The following NXPE2 variants were observed in gnomAD, a reference collection of about 807,000 sequenced individuals.
NXPE2 encodes the protein neurexophilin and PC-esterase domain family member 2.
A neutral mutation model predicts 34.4 loss-of-function variants in NXPE2; 34 were observed. The observed-to-expected ratio is 0.99, with a 90% CI of 0.75 to 1.31. The LOEUF (loss-of-function observed/expected upper bound fraction) is 1.31, where lower values mean the gene tolerates loss of function less well. Ranked by LOEUF, NXPE2 falls within the 40% of genes most tolerant of loss-of-function variation. The probability of loss-of-function intolerance (pLI) is 0.00; values close to 1 mark genes in which losing one functional copy is unlikely to be tolerated. For missense variants in NXPE2, 649 were observed against 672.5 expected (o/e 0.97, Z 0.39); for synonymous variants, 235 against 231.3 (o/e 1.02, Z -0.15).
the NXPE2 span, among the ~76,000 whole-genome samples, chr11:114,789,973 C>T: frequency 2.6e-5 from 4 of 152,168 alleles, no homozygotes; most frequent in Non-Finnish European, 5.9e-5. Context: ...TCAGAGAAGG[C>T]CATGCAGGGA....
chr11:114,633,624 C>T, the NXPE2 span, among the ~76,000 whole-genome samples: 1 of 150,606 alleles, frequency 6.6e-6, no homozygotes, highest in Non-Finnish European at 1.5e-5. Flanking sequence ...CTGCCCCCAG[C>T]CCACAACTGT....
At chr11:114,537,388 T>C in the NXPE2 span, among the ~76,000 whole-genome samples, 1 of 152,184 alleles carries the variant, frequency 6.6e-6, no homozygotes, top group Admixed American at 6.5e-5. Context: ...GGATGCCCTC[T>C]ATCAACACTC....
intron 2 of NXPE2, among the ~76,000 whole-genome samples, chr11:114,682,733 G>A (rs1018221330): frequency 2.6e-5 from 4 of 152,004 alleles, no homozygotes; most frequent in Non-Finnish European, 5.9e-5. Context: ...TTACCAAAAG[G>A]CAAAAGAGAA....
the NXPE2 span, among the ~76,000 whole-genome samples, chr11:114,556,769 G>A: frequency 2.0e-5 from 3 of 151,662 alleles, no homozygotes; most frequent in African/African-American, 4.8e-5. Flanking sequence ...GACATTTTTT[G>A]CAGCTGGAAC....
At chr11:114,622,414 G>T in the NXPE2 span, among the ~76,000 whole-genome samples, 1 of 151,962 alleles carries the variant, frequency 6.6e-6, no homozygotes, top group Admixed American at 6.6e-5. Context: ...CTGTTACCCG[G>T]TGTATAATAA....
At chr11:114,493,798 A>C in the NXPE2 span, among the ~76,000 whole-genome samples, 2 of 152,104 alleles carry the variant, frequency 1.3e-5, no homozygotes, top group African/African-American at 4.8e-5. Flanking sequence ...TACTATTATT[A>C]ATGAATACCT....
the NXPE2 span, among the ~76,000 whole-genome samples, chr11:114,750,985 G>C: frequency 6.6e-6 from 1 of 151,872 alleles, no homozygotes; most frequent in Non-Finnish European, 1.5e-5. Flanking sequence ...TTGTTGTGGG[G>C]GTGGGGGGTG....
chr11:114,668,904 CTTAT>C, the NXPE2 span, among the ~76,000 whole-genome samples: 2 of 152,034 alleles, frequency 1.3e-5, no homozygotes, highest in Non-Finnish European at 2.9e-5. Flanking sequence ...TCAAACAACA[CTTAT>C]TTAAGAAAAA....
chr11:114,612,832 T>G, the NXPE2 span, among the ~76,000 whole-genome samples: 33 of 151,948 alleles, frequency 2.2e-4, no homozygotes, highest in African/African-American at 6.8e-4. Flanking sequence ...ACCCAGAGGA[T>G]AGTAAGTATT....
the NXPE2 span, chr11:114,522,402 G>T: frequency 6.2e-7 from 1 of 1,614,022 alleles, no homozygotes; most frequent in East Asian, 2.2e-5. Context: ...GTGACGAAGG[G>T]ATAGCTATGT....
the NXPE2 span, among the ~76,000 whole-genome samples, chr11:114,486,172 G>A: frequency 6.6e-6 from 1 of 151,916 alleles, no homozygotes; most frequent in South Asian, 2.1e-4. Context: ...CCTGTGTTTT[G>A]GATAAAAGCC....
the NXPE2 span, among the ~76,000 whole-genome samples, chr11:114,643,502 A>G: frequency 1.3e-5 from 2 of 152,112 alleles, no homozygotes; most frequent in Non-Finnish European, 2.9e-5. Flanking sequence ...AACACCATTT[A>G]TTAAATACGG....
the NXPE2 span, among the ~76,000 whole-genome samples, chr11:114,714,943 C>T: frequency 6.6e-6 from 1 of 152,132 alleles, no homozygotes; most frequent in Non-Finnish European, 1.5e-5. Context: ...AATTGCTTAA[C>T]CCGGGAGACA....
the NXPE2 span, among the ~76,000 whole-genome samples, chr11:114,719,516 G>A: frequency 5.9e-5 from 9 of 152,332 alleles, no homozygotes; most frequent in South Asian, 8.3e-4. Context: ...ACGTTTGCCC[G>A]TTCTGTTGTC....
At chr11:114,494,143 C>T in the NXPE2 span, among the ~76,000 whole-genome samples, 4 of 152,014 alleles carry the variant, frequency 2.6e-5, no homozygotes, top group Non-Finnish European at 2.9e-5. Context: ...AATCCTTGAC[C>T]TTTGGGGGTT....
Position 114,679,700 on chromosome 11 carries a change from C to T in NXPE2, c.70C>T (p.Leu24=). ...AAATGCCATAGCTCGAAAATTACTG[C>T]TGATGTTGACATTTATCTTAATTTT... The part of the protein sequence containing the change: ...FPNAIARKLL[L]MLTFILIFWI... Residue 24 remains leucine (L), a synonymous_variant, in exon 2 of 6, where the codon CTG becomes TTG. Transcript: ENST00000389586. 1 of 1,550,248 alleles carries T rather than the reference C, an allele frequency of 6.5e-7. No homozygotes were observed. Among genetic ancestry groups the T allele is most frequent in the Non-Finnish European group, 8.7e-7 (1 of 1,145,954 alleles).
chr11:114,809,419 T>C, the NXPE2 span, among the ~76,000 whole-genome samples: 89 of 151,010 alleles, frequency 5.9e-4, no homozygotes, highest in Non-Finnish European at 9.1e-4. Context: ...TGTTTGCAGA[T>C]GACATGATTG....
chr11:114,759,381 GATA>G, the NXPE2 span, among the ~76,000 whole-genome samples: 1 of 152,126 alleles, frequency 6.6e-6, no homozygotes, highest in Non-Finnish European at 1.5e-5. Flanking sequence ...GTAAAATGGG[GATA>G]ATAATAATAT....
chr11:114,530,277 C>T, the NXPE2 span: 1 of 1,614,212 alleles, frequency 6.2e-7, no homozygotes, highest in Non-Finnish European at 8.5e-7. Flanking sequence ...AGGCTTCATA[C>T]AATAGAAGGC....
Sources: gnomAD v4.1 joint callset for allele counts (sites outside exome capture counted in the v4.1 genomes callset) on GRCh38, gnomAD v4.1.1 for gene constraint, MANE v1.5 for transcripts, NCBI Gene and HGNC (gene_info 2026-07-23, HGNC 2026-07-21) for gene names.